Variants in MTNAP1 observed in about 807,000 individuals in gnomAD.
MTNAP1 encodes the protein mitochondrial nucleoid associated protein 1.
At chr17:73,242,772 T>C in the MTNAP1 span, 5 of 676,260 alleles carry the variant, frequency 7.4e-6, no homozygotes, top group Non-Finnish European at 1.3e-5. Context: ...GTTTAAAATA[T>C]GTGCGTGTAA....
At chr17:73,234,773 C>CTGTGTGTGTGTGTGCGTGTGTGTGTG in the MTNAP1 span, among the ~76,000 whole-genome samples, 3 of 145,960 alleles carry the variant, frequency 2.1e-5, no homozygotes, top group Admixed American at 6.8e-5. Context: ...TTATGTATAT[C>CTGTGTGTGTGTGTGCGTGTGTGTGTG]TGTGTGTGTG....
the MTNAP1 span, among the ~76,000 whole-genome samples, chr17:73,238,593 C>G: frequency 2.0e-5 from 3 of 152,186 alleles, no homozygotes; most frequent in South Asian, 6.2e-4. Context: ...GTTGTAGTCA[C>G]AAAGTCAAGC....
At chr17:73,234,195 C>T in the MTNAP1 span, among the ~76,000 whole-genome samples, 1 of 151,816 alleles carries the variant, frequency 6.6e-6, no homozygotes, top group East Asian at 1.9e-4. Context: ...TGTTTCCTGC[C>T]CTCTGGAACT....
the MTNAP1 span, among the ~76,000 whole-genome samples, chr17:73,238,023 C>CT: frequency 6.6e-6 from 1 of 152,174 alleles, no homozygotes; most frequent in Non-Finnish European, 1.5e-5. Flanking sequence ...GGGCGAAAGA[C>CT]TGAACGTTGA....
chr17:73,235,796 C>T, the MTNAP1 span: 2 of 1,614,158 alleles, frequency 1.2e-6, no homozygotes, highest in Non-Finnish European at 1.7e-6. Flanking sequence ...AGAGCAGCTA[C>T]TACAAAGGCA....
At chr17:73,241,568 T>C in the MTNAP1 span, among the ~76,000 whole-genome samples, 1 of 152,240 alleles carries the variant, frequency 6.6e-6, no homozygotes, top group African/African-American at 2.4e-5. Context: ...GCATGTTGAC[T>C]GTGGGCAAGT....
At chr17:73,248,785 T>G in the MTNAP1 span, 1 of 438,832 alleles carries the variant, frequency 2.3e-6, no homozygotes, top group Non-Finnish European at 4.1e-6. Context: ...CTGAATAATA[T>G]CTGAAAGACT....
the MTNAP1 span, among the ~76,000 whole-genome samples, chr17:73,234,773 C>CTGTGTGTGTGTGTGTG: frequency 0.061 from 8,943 of 145,874 alleles, 359 homozygotes; most frequent in East Asian, 0.17. Flanking sequence ...TTATGTATAT[C>CTGTGTGTGTGTGTGTG]TGTGTGTGTG....
At chr17:73,236,143 C>T in the MTNAP1 span, 1 of 1,614,114 alleles carries the variant, frequency 6.2e-7, no homozygotes, top group Non-Finnish European at 8.5e-7. Flanking sequence ...AGTAAAATTA[C>T]TAGATGTGCC....
the MTNAP1 span, chr17:73,243,088 T>TGG: frequency 4.0e-6 from 4 of 997,726 alleles, no homozygotes; most frequent in Admixed American, 4.4e-5. Context: ...TTTTTTTTTT[T>TGG]TTTTTTTTTT....
the MTNAP1 span, chr17:73,245,277 T>C: frequency 6.6e-7 from 1 of 1,521,142 alleles, no homozygotes; most frequent in Non-Finnish European, 8.8e-7. Flanking sequence ...AGTTTAAAAA[T>C]GTATAATATT....
the MTNAP1 span, chr17:73,248,412 T>C: frequency 1.2e-5 from 15 of 1,249,132 alleles, no homozygotes; most frequent in African/African-American, 2.1e-4. Context: ...TCTCTTAAAA[T>C]CATGCTGCAG....
the MTNAP1 span, among the ~76,000 whole-genome samples, chr17:73,239,050 G>A: frequency 3.9e-5 from 6 of 152,164 alleles, no homozygotes; most frequent in African/African-American, 1.4e-4. Flanking sequence ...CGATTCTCCT[G>A]CCTCAGCCTC....
the MTNAP1 span, among the ~76,000 whole-genome samples, chr17:73,243,903 G>A: frequency 1.3e-5 from 2 of 152,174 alleles, no homozygotes. Context: ...CCAATGGAAG[G>A]TGCTTTTCCT....
chr17:73,247,586 C>G, the MTNAP1 span: 1 of 429,578 alleles, frequency 2.3e-6, no homozygotes, highest in Non-Finnish European at 4.2e-6. Flanking sequence ...ATTTTATATC[C>G]CTGAAAATAA....
the MTNAP1 span, chr17:73,247,873 A>G: frequency 6.4e-6 from 1 of 155,450 alleles, no homozygotes; most frequent in Non-Finnish European, 1.4e-5. Flanking sequence ...TTCTGGGATG[A>G]CTTGTAAATG....
chr17:73,243,163 T>G, the MTNAP1 span: 1 of 698,780 alleles, frequency 1.4e-6, no homozygotes, highest in Non-Finnish European at 2.5e-6. Context: ...TTCTGGGTTT[T>G]ATTTTTTTGA....
the MTNAP1 span, among the ~76,000 whole-genome samples, chr17:73,237,668 A>G: frequency 6.6e-6 from 1 of 152,214 alleles, no homozygotes; most frequent in African/African-American, 2.4e-5. Context: ...TAGAATAAGC[A>G]CTGTGTTCAG....
At chr17:73,245,789 T>G in the MTNAP1 span, 1 of 847,378 alleles carries the variant, frequency 1.2e-6, no homozygotes, top group Non-Finnish European at 1.4e-6. Flanking sequence ...GCACACTAAC[T>G]ATAATGTTAA....
Sources: allele counts gnomAD v4.1 joint callset (sites outside exome capture counted in the v4.1 genomes callset), GRCh38; gene constraint gnomAD v4.1.1; transcripts MANE v1.5; gene names NCBI Gene and HGNC (gene_info 2026-07-23, HGNC 2026-07-21).